NALF1: variants seen among roughly 807,000 people sequenced by gnomAD.
NALF1 encodes NALCN channel auxiliary factor 1, also known as family with sequence similarity 155 member A.
NALF1 carries 3 observed loss-of-function variants against 48.4 expected under a neutral mutation model. The ratio of observed to expected loss-of-function variants is 0.06; its 90% CI spans 0.03 to 0.16. The LOEUF (loss-of-function observed/expected upper bound fraction) is 0.16, where lower values mean the gene tolerates loss of function less well. NALF1 is among the 10% of genes least tolerant of loss of function. The probability of loss-of-function intolerance (pLI) is 1.00; values close to 1 mark genes in which losing one functional copy is unlikely to be tolerated. For missense variants in NALF1, 526 were observed against 571.5 expected, an observed-to-expected ratio of 0.92 and a Z score of 0.81; for synonymous variants, 262 against 245.7, an observed-to-expected ratio of 1.07 and a Z score of -0.62.
intron 1 of NALF1, among the ~76,000 whole-genome samples, chr13:107,467,577 C>T (rs1323963019): frequency 6.6e-6 from 1 of 152,092 alleles, no homozygotes; most frequent in Non-Finnish European, 1.5e-5. Flanking sequence ...AATTTCATTA[C>T]CTTCTCCTAA....
chr13:107,651,362 T>C, intron 1 of NALF1, among the ~76,000 whole-genome samples: 1 of 152,224 alleles, frequency 6.6e-6, no homozygotes, highest in East Asian at 1.9e-4. Flanking sequence ...CGTCGAAATG[T>C]CAGGCCACAA....
intron 1 of NALF1, among the ~76,000 whole-genome samples, chr13:107,301,575 T>C (rs1881837680): frequency 6.6e-6 from 1 of 152,210 alleles, no homozygotes; most frequent in African/African-American, 2.4e-5. Flanking sequence ...TTTTTCCTCA[T>C]CTGAAAATGA....
chr13:107,328,739 T>C (rs1882413412), intron 1 of NALF1, among the ~76,000 whole-genome samples: 1 of 152,190 alleles, frequency 6.6e-6, no homozygotes, highest in African/African-American at 2.4e-5. Flanking sequence ...TTGCAATCCA[T>C]ATGCTAAGCC....
At chr13:107,360,997 C>A (rs1251567468) in intron 1 of NALF1, among the ~76,000 whole-genome samples, 1 of 152,084 alleles carries the variant, frequency 6.6e-6, no homozygotes, top group Non-Finnish European at 1.5e-5. Context: ...CCCACATTTC[C>A]TGTAGGTTTG....
intron 1 of NALF1, among the ~76,000 whole-genome samples, chr13:107,642,071 A>C (rs1411979499): frequency 6.6e-6 from 1 of 152,180 alleles, no homozygotes; most frequent in Non-Finnish European, 1.5e-5. Flanking sequence ...CTGGCCTGGG[A>C]GCACGTTGGA....
intron 1 of NALF1, among the ~76,000 whole-genome samples, chr13:107,702,781 G>A (rs186291491): frequency 1.9e-4 from 29 of 152,200 alleles, no homozygotes; most frequent in South Asian, 4.1e-4. Context: ...CCACTTATAA[G>A]TGAGAACATG....
At chr13:107,326,606 G>A (rs1882370174) in intron 1 of NALF1, among the ~76,000 whole-genome samples, 1 of 152,180 alleles carries the variant, frequency 6.6e-6, no homozygotes, top group Non-Finnish European at 1.5e-5. Context: ...AGATCACACT[G>A]AGAGGATTGA....
At chr13:107,329,485 C>A (rs1176914648) in intron 1 of NALF1, among the ~76,000 whole-genome samples, 1 of 151,302 alleles carries the variant, frequency 6.6e-6, no homozygotes, top group Non-Finnish European at 1.5e-5. Context: ...CCTGGCTTCA[C>A]TCTCTTTTTT....
chr13:107,779,952 A>G (rs931402288), intron 1 of NALF1, among the ~76,000 whole-genome samples: 1 of 151,724 alleles, frequency 6.6e-6, no homozygotes, highest in South Asian at 2.1e-4. Context: ...ACAAAATTGC[A>G]TTTTTAAAAG....
intron 1 of NALF1, among the ~76,000 whole-genome samples, chr13:107,331,856 A>G (rs1434722586): frequency 6.6e-6 from 1 of 152,184 alleles, no homozygotes; most frequent in Non-Finnish European, 1.5e-5. Flanking sequence ...ATAAGACATT[A>G]TAATTTTATA....
chr13:107,613,212 C>A (rs1879287429), intron 1 of NALF1, among the ~76,000 whole-genome samples: 2 of 152,078 alleles, frequency 1.3e-5, no homozygotes, highest in South Asian at 4.1e-4. Context: ...AATGAAATTG[C>A]AAATATTTTG....
chr13:107,719,679 C>T (rs1257002933), intron 1 of NALF1, among the ~76,000 whole-genome samples: 2 of 152,110 alleles, frequency 1.3e-5, no homozygotes, highest in African/African-American at 4.8e-5. Flanking sequence ...TCTCATTGCT[C>T]ATAATGGTGT....
intron 1 of NALF1, among the ~76,000 whole-genome samples, chr13:107,701,059 G>GT (rs2138511533): frequency 6.6e-6 from 1 of 152,242 alleles, no homozygotes; most frequent in South Asian, 2.1e-4. Flanking sequence ...TACAGCCATT[G>GT]TGAAAAGCAG....
intron 1 of NALF1, among the ~76,000 whole-genome samples, chr13:107,668,263 G>C (rs180709163): frequency 1.3e-5 from 2 of 152,132 alleles, no homozygotes; most frequent in African/African-American, 4.8e-5. Context: ...GTAATTCTCT[G>C]TTCTGAACTT....
At chr13:107,565,030 A>G (rs1356780516) in intron 1 of NALF1, among the ~76,000 whole-genome samples, 1 of 151,322 alleles carries the variant, frequency 6.6e-6, no homozygotes, top group East Asian at 2.0e-4. Context: ...CTGCTGTATA[A>G]ACACAAAGAA....
At chr13:107,763,300 G>A (rs1257753923) in intron 1 of NALF1, among the ~76,000 whole-genome samples, 2 of 151,640 alleles carry the variant, frequency 1.3e-5, no homozygotes, top group Non-Finnish European at 2.9e-5. Flanking sequence ...TAAAAATAGC[G>A]ACTCCAGTAA....
intron 1 of NALF1, among the ~76,000 whole-genome samples, chr13:107,863,911 T>C (rs1880643271): frequency 6.6e-6 from 1 of 152,188 alleles, no homozygotes; most frequent in Non-Finnish European, 1.5e-5. Flanking sequence ...AATACTGAGT[T>C]ATACAAATGG....
chr13:107,720,039 C>T (rs80232314), intron 1 of NALF1, among the ~76,000 whole-genome samples: 2,312 of 152,222 alleles, frequency 0.015, 47 homozygotes, highest in East Asian at 0.089. Context: ...ATCTTTCTGG[C>T]TTCTCTTACT....
intron 1 of NALF1, among the ~76,000 whole-genome samples, chr13:107,265,130 T>A (rs959096935): frequency 1.3e-5 from 2 of 152,256 alleles, no homozygotes; most frequent in Non-Finnish European, 2.9e-5. Context: ...ATTCTGGCTA[T>A]TTGATTATTA....
Sources: allele counts gnomAD v4.1 joint callset (sites outside exome capture counted in the v4.1 genomes callset), GRCh38; gene constraint gnomAD v4.1.1; transcripts MANE v1.5; gene names NCBI Gene and HGNC (gene_info 2026-07-23, HGNC 2026-07-21).